The following SCNN1B variants were observed in gnomAD, a reference collection of about 807,000 sequenced individuals.
SCNN1B encodes sodium channel epithelial 1 subunit beta.
In SCNN1B, 46 loss-of-function variants were observed where a neutral mutation model predicts 65.3. The observed-to-expected ratio is 0.70, with a 90% CI of 0.56 to 0.90. SCNN1B has a LOEUF of 0.90. SCNN1B is among the 40% of genes least tolerant of loss of function. The pLI is 0.00. For synonymous variants in SCNN1B, 349 were observed against 330.6 expected (o/e 1.06, Z -0.60); for missense variants, 751 against 830.5 (o/e 0.90, Z 1.18).
intron 1 of SCNN1B, among the ~76,000 whole-genome samples, chr16:23,314,145 C>T (rs1961402526): frequency 6.6e-6 from 1 of 152,100 alleles, no homozygotes; most frequent in Non-Finnish European, 1.5e-5. Context: ...TCAGCCTCTC[C>T]AGTAGCTGGG....
chr16:23,340,724 T>C (rs745509982), intron 1 of SCNN1B, among the ~76,000 whole-genome samples: 3 of 152,158 alleles, frequency 2.0e-5, no homozygotes, highest in Non-Finnish European at 4.4e-5. Context: ...TTGAACTACC[T>C]TGGCAAATTT....
intron 1 of SCNN1B, among the ~76,000 whole-genome samples, chr16:23,325,865 C>T (rs1961684376): frequency 6.7e-6 from 1 of 150,018 alleles, no homozygotes; most frequent in African/African-American, 2.5e-5. Flanking sequence ...CCAGCCTGGG[C>T]AACATAGTGA....
intron 1 of SCNN1B, among the ~76,000 whole-genome samples, chr16:23,282,410 T>G (rs1174514518): frequency 6.6e-6 from 1 of 152,218 alleles, no homozygotes; most frequent in Non-Finnish European, 1.5e-5. Context: ...TATCCCATTT[T>G]CCTGATACAA....
intron 1 of SCNN1B, among the ~76,000 whole-genome samples, chr16:23,305,563 TATATATATATATA>T (rs1961190814): frequency 7.5e-5 from 4 of 53,252 alleles, no homozygotes; most frequent in African/African-American, 3.2e-4. Flanking sequence ...TATATATATA[TATATATATATATA>T]TTATATATAT....
rs143042858 is a variant in SCNN1B at position 23,294,897 on chromosome 16, G to A, written n.178+11093G>A. ...AATCCCAGCTACTCGGGAGGCTGAG[G>A]CAGGAGAATCACTTGAACCTGGGAG... On this transcript the variant is annotated intron_variant and non_coding_transcript_variant, in intron 2 of 3. Transcript: ENST00000569789. 3.2e-3 allele frequency among the ~76,000 whole-genome samples: 481 copies of A among 152,118 alleles called. 1 individual carries two copies. Among genetic ancestry groups the A allele is most frequent in the African/African-American group, 0.011 (468 of 41,524 alleles).
chr16:23,374,368 G>C (rs2142042159), intron 7 of SCNN1B, among the ~76,000 whole-genome samples: 1 of 150,920 alleles, frequency 6.6e-6, no homozygotes, highest in South Asian at 2.1e-4. Flanking sequence ...GAGGTCAGGA[G>C]TTCGAGACCA....
At chr16:23,358,541 C>T (rs1324371808) in intron 4 of SCNN1B, 1 of 152,184 alleles carries the variant, frequency 6.6e-6, no homozygotes, top group East Asian at 1.9e-4. Flanking sequence ...AATTAATATG[C>T]ATGAGTAACT....
intron 2 of SCNN1B, among the ~76,000 whole-genome samples, chr16:23,288,769 A>T (rs907328621): frequency 3.9e-5 from 6 of 152,302 alleles, no homozygotes; most frequent in African/African-American, 7.2e-5. Flanking sequence ...TGATCACACC[A>T]CTGCACTCTA....
At chr16:23,379,808 A>G (rs1962999620) in intron 11 of SCNN1B, among the ~76,000 whole-genome samples, 1 of 152,208 alleles carries the variant, frequency 6.6e-6, no homozygotes, top group African/African-American at 2.4e-5. Flanking sequence ...GGTGCTGGGC[A>G]GAGATGCCCA....
Position 23,342,293 on chromosome 16 carries a change from G to C in SCNN1B, c.-8-6299G>C, listed in dbSNP as rs1962070206. Among the ~76,000 whole-genome samples the C allele has an allele frequency of 2.6e-5, 4 of 152,182 alleles. 1 individual carries two copies. In the South Asian group the frequency reaches 8.3e-4, roughly 32 times the overall value. On this transcript the variant is annotated intron_variant, in intron 1 of 12. Coordinates refer to ENST00000343070, the MANE Select transcript of SCNN1B (RefSeq NM_000336.3). Reference sequence around the variant, plus strand: ...ACAGAGTTTCACTCTTGACACCCAGGCTGGAGTGCCGTGGCACAATCTCTG... The same window carrying C: ...ACAGAGTTTCACTCTTGACACCCAGCCTGGAGTGCCGTGGCACAATCTCTG...
Position 23,348,526 on chromosome 16 carries a change from G to T in SCNN1B, c.-8-66G>T. Reference sequence around the variant, plus strand: ...GTACCGCCGCCCAGTTCCTGGACGTGACTGGGACATCCTCGCAGGCAAGGC... The same window carrying T: ...GTACCGCCGCCCAGTTCCTGGACGTTACTGGGACATCCTCGCAGGCAAGGC... On this transcript the variant is annotated intron_variant, in intron 1 of 12. Transcript: ENST00000343070. The surrounding 1 kb of genome is among the most constrained non-coding windows in gnomAD (Gnocchi z 4.5). 4 of 1,527,038 alleles carry T rather than the reference G, an allele frequency of 2.6e-6. No homozygotes were observed. The highest frequency in any genetic ancestry group is 2.3e-5 in the South Asian group (2 of 87,778). The allele number at this position is 1,527,038 out of a possible 1,614,324, so 94.6% of individuals were successfully genotyped here. A position where few individuals can be genotyped will look rare whatever the true frequency, so the allele number is the denominator to read the frequency against.
At chr16:23,323,319 G>A (rs1961626856) in intron 1 of SCNN1B, among the ~76,000 whole-genome samples, 1 of 152,154 alleles carries the variant, frequency 6.6e-6, no homozygotes, top group Non-Finnish European at 1.5e-5. Flanking sequence ...TGTGGGTAGA[G>A]GTAAAGGTTT....
intron 4 of SCNN1B, among the ~76,000 whole-genome samples, chr16:23,366,754 G>A (rs1962677657): frequency 6.6e-6 from 1 of 152,110 alleles, no homozygotes; most frequent in African/African-American, 2.4e-5. Flanking sequence ...AAACTCCTGG[G>A]CTCAAGTGAT....
At chr16:23,352,538 TTCTC>T (rs1225240317) in intron 2 of SCNN1B, among the ~76,000 whole-genome samples, 1 of 152,054 alleles carries the variant, frequency 6.6e-6, no homozygotes, top group African/African-American at 2.4e-5. Context: ...TGCACTCTCT[TTCTC>T]TCTCTCTCCT....
At chr16:23,352,522 C>G (rs1962331064) in intron 2 of SCNN1B, among the ~76,000 whole-genome samples, 1 of 152,178 alleles carries the variant, frequency 6.6e-6, no homozygotes, top group African/African-American at 2.4e-5. Flanking sequence ...GTGGCAGTCT[C>G]CCCTGTGCAC....
intron 1 of SCNN1B, among the ~76,000 whole-genome samples, chr16:23,280,790 C>T (rs369207158): frequency 1.6e-4 from 25 of 152,314 alleles, no homozygotes; most frequent in African/African-American, 5.3e-4. Context: ...AGCACAGGAT[C>T]GGCACATAAT....
upstream of SCNN1B, among the ~76,000 whole-genome samples, chr16:23,298,993 T>C (rs1415493696): frequency 6.6e-6 from 1 of 151,902 alleles, no homozygotes; most frequent in Non-Finnish European, 1.5e-5. Context: ...CCTTCAAAAA[T>C]AACGTATTGG....
chr16:23,302,897 G>T (rs1471032445), intron 1 of SCNN1B, among the ~76,000 whole-genome samples: 5 of 152,134 alleles, frequency 3.3e-5, no homozygotes, highest in Admixed American at 1.3e-4. Context: ...ATTTTGCAGA[G>T]GTGCAAACTG....
intron 1 of SCNN1B, among the ~76,000 whole-genome samples, chr16:23,335,039 T>A (rs1447234149): frequency 1.3e-5 from 2 of 152,234 alleles, no homozygotes; most frequent in African/African-American, 4.8e-5. Flanking sequence ...ATATTTTTTT[T>A]CTCTTTCCTG....
Sources: gnomAD v4.1 joint callset for allele counts (sites outside exome capture counted in the v4.1 genomes callset) on GRCh38, gnomAD v4.1.1 for gene constraint, Gnocchi (gnomAD v3.1) non-coding constraint, MANE v1.5 for transcripts, NCBI Gene and HGNC (gene_info 2026-07-23, HGNC 2026-07-21) for gene names.